The following CAST variants were observed in gnomAD, a reference collection of about 807,000 sequenced individuals.
The protein encoded by CAST is MIR583 host.
Under a neutral mutation model 119.6 loss-of-function variants are expected in CAST, and 76 were observed. The observed-to-expected ratio is 0.64, with a 90% CI of 0.53 to 0.77. The LOEUF (loss-of-function observed/expected upper bound fraction) is 0.77, where lower values mean the gene tolerates loss of function less well. Ranked by LOEUF, CAST falls within the 30% of genes least tolerant of loss-of-function variation. The pLI is 0.00. For synonymous variants in CAST, 319 were observed against 331.6 expected, an observed-to-expected ratio of 0.96 and a Z score of 0.41; for missense variants, 953 against 946.5, an observed-to-expected ratio of 1.01 and a Z score of -0.09.
At chr5:96,725,270 C>T (rs184792976) in intron 4 of CAST, among the ~76,000 whole-genome samples, 1 of 152,312 alleles carries the variant, frequency 6.6e-6, no homozygotes, top group Admixed American at 6.5e-5. Flanking sequence ...GTTTCCTTAT[C>T]TGTACAGTTT....
chr5:96,740,972 G>GT (rs1762541846), intron 13 of CAST, 189 bp downstream of exon 13: 4 of 600,384 alleles, frequency 6.7e-6, no homozygotes, highest in East Asian at 2.8e-5. Context: ...TCATAAGTAG[G>GT]TTTTTTGAGG....
chr5:96,401,181 C>G, the CAST span, among the ~76,000 whole-genome samples: 1 of 149,690 alleles, frequency 6.7e-6, no homozygotes, highest in Non-Finnish European at 1.5e-5. Context: ...ATATTCATAG[C>G]TTAACGCATT....
the CAST span, among the ~76,000 whole-genome samples, chr5:96,320,455 C>T: frequency 3.9e-5 from 6 of 152,056 alleles, no homozygotes; most frequent in Non-Finnish European, 5.9e-5. Context: ...CCAGGCTGGT[C>T]TTGAGCTCCT....
the CAST span, among the ~76,000 whole-genome samples, chr5:96,450,494 AC>A: frequency 6.6e-6 from 1 of 152,202 alleles, no homozygotes; most frequent in Non-Finnish European, 1.5e-5. Context: ...GGTACAATGT[AC>A]ATTATTCGAG....
At chr5:96,748,995 T>C (rs747119272) in intron 19 of CAST, among the ~76,000 whole-genome samples, 2 of 152,174 alleles carry the variant, frequency 1.3e-5, no homozygotes, top group African/African-American at 4.8e-5. Flanking sequence ...ATTCCTCTGC[T>C]TCTATCCCCA....
At chr5:96,243,631 T>C in the CAST span, among the ~76,000 whole-genome samples, 1 of 152,190 alleles carries the variant, frequency 6.6e-6, no homozygotes, top group Non-Finnish European at 1.5e-5. Flanking sequence ...TTCTAAATGC[T>C]GGTCAGTGAA....
the CAST span, among the ~76,000 whole-genome samples, chr5:96,196,718 AG>A: frequency 6.6e-6 from 1 of 152,212 alleles, no homozygotes; most frequent in Non-Finnish European, 1.5e-5. Flanking sequence ...AAAGAAGGCA[AG>A]GGCCAGATAA....
At chr5:95,992,853 T>A in the CAST span, among the ~76,000 whole-genome samples, 1 of 152,196 alleles carries the variant, frequency 6.6e-6, no homozygotes, top group African/African-American at 2.4e-5. Context: ...AAAAAGTTTA[T>A]TTAAAAAAAT....
At chr5:96,264,665 G>T in the CAST span, among the ~76,000 whole-genome samples, 4 of 152,192 alleles carry the variant, frequency 2.6e-5, no homozygotes, top group African/African-American at 9.7e-5. Flanking sequence ...TATGGAGGAT[G>T]AATATTCCTA....
intron 1 of CAST, among the ~76,000 whole-genome samples, chr5:96,559,136 C>G (rs263393): frequency 0.34 from 51,295 of 151,440 alleles, 9,308 homozygotes; most frequent in Middle Eastern, 0.46. Flanking sequence ...ATGCAGAAAA[C>G]GCCTTTGACA....
the CAST span, among the ~76,000 whole-genome samples, chr5:96,314,014 C>T: frequency 6.6e-6 from 1 of 152,166 alleles, no homozygotes; most frequent in African/African-American, 2.4e-5. Flanking sequence ...TCCTAAATTA[C>T]AAGTATGCAG....
At position 96,729,657 on chromosome 5, in the gene CAST, G is replaced by A; in HGVS notation, c.481G>A (p.Ala161Thr). Residue 161 changes from alanine to threonine, a missense_variant, in exon 8 of 32, where the codon GCT (alanine) becomes ACT (threonine). Physicochemically the swap from Ala to Thr is moderately conservative, Grantham distance 58. Transcript: ENST00000675179. ...GGCATCAGATACAGGAAGTAACGAT[G>A]CTCACAATAAAAAAGCAGTTTCCAG... ...KQASDTGSND[A>T]HNKKAVSRSA... 2 of 1,604,794 alleles carry A rather than the reference G, an allele frequency of 1.2e-6. No individual in the cohort carries two copies. Among genetic ancestry groups the A allele is most frequent in the Non-Finnish European group, 1.7e-6 (2 of 1,171,608 alleles).
intron 16 of CAST, 36 bp downstream of exon 16, chr5:96,742,792 G>A (rs1437232223): frequency 6.9e-7 from 1 of 1,439,058 alleles, no homozygotes. Flanking sequence ...AAGCTTGTTA[G>A]TCTGCACATT....
chr5:96,213,421 A>C, the CAST span: 1 of 152,164 alleles, frequency 6.6e-6, no homozygotes, highest in Non-Finnish European at 1.5e-5. Flanking sequence ...TTACTTCTTT[A>C]AAATTTAATA....
chr5:96,398,729 C>T, the CAST span: 1 of 712,870 alleles, frequency 1.4e-6, no homozygotes, highest in South Asian at 1.6e-5. Flanking sequence ...AGATCTAACA[C>T]CAAGAAAAAG....
chr5:96,132,469 A>G, the CAST span, among the ~76,000 whole-genome samples: 1 of 152,116 alleles, frequency 6.6e-6, no homozygotes, highest in Non-Finnish European at 1.5e-5. Flanking sequence ...ACTGATAACT[A>G]TAGTCACCTT....
the CAST span, among the ~76,000 whole-genome samples, chr5:96,327,226 T>C: frequency 6.6e-6 from 1 of 152,230 alleles, no homozygotes; most frequent in Non-Finnish European, 1.5e-5. Context: ...GATCAGGTAG[T>C]GTGTGTAAAG....
chr5:96,480,688 GT>G, the CAST span, among the ~76,000 whole-genome samples: 2 of 152,206 alleles, frequency 1.3e-5, no homozygotes, highest in East Asian at 3.9e-4. Context: ...AGAAAGAGTG[GT>G]TTAAAAGGTT....
intron 1 of CAST, among the ~76,000 whole-genome samples, chr5:96,602,866 G>A (rs1369516142): frequency 1.3e-5 from 2 of 152,160 alleles, no homozygotes; most frequent in African/African-American, 2.4e-5. Flanking sequence ...ACTCAAATAC[G>A]GAGAATATTC....
Sources: gnomAD v4.1 joint callset for allele counts (sites outside exome capture counted in the v4.1 genomes callset) on GRCh38, gnomAD v4.1.1 for gene constraint, MANE v1.5 for transcripts, NCBI Gene and HGNC (gene_info 2026-07-23, HGNC 2026-07-21) for gene names.